Variants in SMIM24 observed in about 807,000 individuals in gnomAD.
The protein encoded by SMIM24 is small integral membrane protein 24, also known as MAP17-related dimer.
SMIM24 carries 6 observed loss-of-function variants against 10.8 expected under a neutral mutation model. The ratio of observed to expected loss-of-function variants is 0.55; its 90% CI spans 0.30 to 1.09. The LOEUF (loss-of-function observed/expected upper bound fraction) is 1.09, where lower values mean the gene tolerates loss of function less well. Ranked by LOEUF, SMIM24 falls within the 50% of genes least tolerant of loss-of-function variation. The probability of loss-of-function intolerance (pLI) is 0.06; values close to 1 mark genes in which losing one functional copy is unlikely to be tolerated. For synonymous variants in SMIM24, 71 were observed against 62.4 expected, an observed-to-expected ratio of 1.14 and a Z score of -0.65; for missense variants, 151 against 153.4, an observed-to-expected ratio of 0.98 and a Z score of 0.08.
chr19:3,480,359 CT>C (rs981717977), intron 1 of SMIM24, 37 bp downstream of exon 1: 2 of 1,457,574 alleles, frequency 1.4e-6, no homozygotes, highest in Non-Finnish European at 1.8e-6. Context: ...ACCAACTCCC[CT>C]ATCCCGCGAC....
Position 3,478,864 on chromosome 19 carries a change from C to T in SMIM24, c.133G>A (p.Val45Ile), listed in dbSNP as rs1214300020. The T allele has an allele frequency of 8.2e-5, 127 of 1,549,846 alleles. 2 individuals carry two copies. In the East Asian group the frequency reaches 2.7e-3, roughly 33 times the overall value. Residue 45 changes from valine (V) to isoleucine (I), a missense_variant, in exon 2 of 4, where the codon GTC becomes ATC. By Grantham distance (29) the Val-to-Ile change is conservative (BLOSUM62 3). Transcript: ENST00000215531. Reference sequence around the variant, plus strand: ...CGGTTGGCCAGCAAGACCAAATAGACGATGAACAGGAAGCCGACTACCGCA... The same window carrying T: ...CGGTTGGCCAGCAAGACCAAATAGATGATGAACAGGAAGCCGACTACCGCA... ...LAAVVGFLFIVYLVLLANRLW... is the reference protein window; with the variant it reads ...LAAVVGFLFIIYLVLLANRLW...
rs1055392 is a variant in SMIM24 at position 3,474,473 on chromosome 19, A to G, written c.*370T>C. 0.13 allele frequency: 27,617 copies of G among 214,254 alleles called. 1,928 individuals are homozygous for G. Among genetic ancestry groups the G allele is most frequent in the South Asian group, 0.16 (1,511 of 9,308 alleles). The allele number at this position is 214,254 out of a possible 1,614,324, so 13.3% of individuals were successfully genotyped here. On this transcript the variant is annotated 3_prime_UTR_variant, in exon 4 of 4. Transcript: ENST00000215531. ...GCAGCTCTCAGCTGGCAGTGGGTGC[A>G]TGGGAGAGGGGAAGTTCTGTTCAGT...
intron 3 of SMIM24, among the ~76,000 whole-genome samples, chr19:3,476,782 A>G (rs1350400443): frequency 6.7e-6 from 1 of 148,802 alleles, no homozygotes; most frequent in Admixed American, 6.7e-5. Flanking sequence ...GGATGGATGG[A>G]TAAATGGGTA....
chr19:3,479,051 A>G lies in SMIM24; in HGVS notation c.68-122T>C, dbSNP rs2082805568. 5.4e-6 allele frequency: 4 copies of G among 741,610 alleles called. No homozygotes were observed. In the Admixed American group the frequency reaches 1.0e-4, roughly 19 times the overall value. 45.9% of individuals were successfully genotyped at this position (741,610 alleles called of 1,614,324 possible). A position where few individuals can be genotyped will look rare whatever the true frequency, so the allele number is the denominator to read the frequency against. On this transcript the variant is annotated intron_variant, in intron 1 of 3. Transcript: ENST00000215531. ...GGTGCTCCGACAGAGGGGGTATTGG[A>G]AAGGGACGGAGCTTCAGAGACCTGG...
At chr19:3,478,978 A>T in intron 1 of SMIM24, 49 bp from the exon 2 acceptor site, 1 of 1,424,876 alleles carries the variant, frequency 7.0e-7, no homozygotes, top group Non-Finnish European at 9.6e-7. Flanking sequence ...AGGTCAGAAG[A>T]CCCCCTTCCC....
chr19:3,478,916 G>C lies in SMIM24; in HGVS notation c.81C>G (p.Arg27=). 6.5e-7 allele frequency: 1 copy of C among 1,549,952 alleles called. No individual in the cohort carries two copies. The highest frequency in any genetic ancestry group is 1.4e-5 in the African/African-American group (1 of 73,122). Reference sequence around the variant, plus strand: ...CCAGGCCCACCAGCCACGGCTTCAGGCGATGCTCCGTGGCTGCAGGAAGTT... The same window carrying C: ...CCAGGCCCACCAGCCACGGCTTCAGCCGATGCTCCGTGGCTGCAGGAAGTT... The part of the protein sequence containing the change: ...PVEAQQATEH[R]LKPWLVGLAA... The change falls in exon 2 of 4, where the codon CGC becomes CGG. Residue 27 remains arginine, a synonymous_variant. Transcript: ENST00000215531.
Position 3,474,956 on chromosome 19 carries a change from C to A in SMIM24, c.280G>T (p.Glu94Ter), listed in dbSNP as rs945140248. 4 of 1,551,584 alleles carry A rather than the reference C, an allele frequency of 2.6e-6. No homozygotes were observed. The African/African-American group carries it at 4.1e-5, about 16-fold the overall frequency. ...REKKEAKEKEEKRKKEKKTAK... is the reference protein window; with the variant it reads ...REKKEAKEKE ...GTCTTTTTCTCCTTCTTCCTCTTCT[C>A]TTCTTTCTCCTTGGCCTCTTTCTTC... Residue 94 changes from glutamate to a stop codon, truncating the protein, a stop_gained, in exon 4 of 4, where the codon GAG becomes TAG. Transcript: ENST00000215531. LOFTEE classifies it low-confidence loss of function (END_TRUNC).
Position 3,474,911 on chromosome 19 carries a change from T to G in SMIM24, c.325A>C (p.Asn109His). The G allele has an allele frequency of 6.4e-7, 1 of 1,551,724 alleles. No homozygotes were observed. Among genetic ancestry groups the G allele is most frequent in the Non-Finnish European group, 8.7e-7 (1 of 1,147,010 alleles). Residue 109 changes from asparagine to histidine, a missense_variant, in exon 4 of 4, where the codon AAC becomes CAC. Asn to His is a moderately conservative substitution (Grantham distance 68). Transcript: ENST00000215531. ...EKKTAKEGES[N>H]LGLDLEEKEP... Reference sequence around the variant, plus strand: ...TTTTCCTCCAGATCCAGTCCCAAGTTGCTCTCTCCTTCCTTTGCTGTCTTT... The same window carrying G: ...TTTTCCTCCAGATCCAGTCCCAAGTGGCTCTCTCCTTCCTTTGCTGTCTTT...
chr19:3,474,876 T>C lies in SMIM24; in HGVS notation c.360A>G (p.Gly120=). Residue 120 remains glycine, a synonymous_variant, in exon 4 of 4, where the codon GGA becomes GGG. Coordinates refer to ENST00000215531, the MANE Select transcript of SMIM24 (RefSeq NM_001136503.2). ...CTGTGCTCTTTGCTCTCTCATGGTCTCCGGGCTCTTTTTCCTCCAGATCCA... is the reference window on the plus strand; with the variant it reads ...CTGTGCTCTTTGCTCTCTCATGGTCCCCGGGCTCTTTTTCCTCCAGATCCA... The part of the protein sequence containing the change: ...LGLDLEEKEP[G]DHERAKSTVM 1 of 1,551,702 alleles carries C rather than the reference T, an allele frequency of 6.4e-7. No homozygotes were observed. Among genetic ancestry groups the C allele is most frequent in the Non-Finnish European group, 8.7e-7 (1 of 1,147,008 alleles).
chr19:3,478,959 A>G, intron 1 of SMIM24, 30 bp from the exon 2 acceptor site: 1 of 1,525,640 alleles, frequency 6.6e-7, no homozygotes, highest in Non-Finnish European at 8.9e-7. Context: ...TTCGACTCAG[A>G]GGAAGAAAAG....
At chr19:3,478,959 A>T (rs1159782999) in intron 1 of SMIM24, 30 bp from the exon 2 acceptor site, 1 of 1,525,640 alleles carries the variant, frequency 6.6e-7, no homozygotes, top group Non-Finnish European at 8.9e-7. Flanking sequence ...TTCGACTCAG[A>T]GGAAGAAAAG....
At chr19:3,475,472 G>C (rs1026734569) in intron 3 of SMIM24, among the ~76,000 whole-genome samples, 6 of 151,424 alleles carry the variant, frequency 4.0e-5, no homozygotes, top group African/African-American at 1.5e-4. Context: ...TGATGGATGG[G>C]GGTATGGATG....
At position 3,475,004 on chromosome 19, in the gene SMIM24, G is replaced by C; in HGVS notation, c.240-8C>G. The C allele has an allele frequency of 1.3e-6, 2 of 1,550,424 alleles. No individual in the cohort carries two copies. The highest frequency in any genetic ancestry group is 1.7e-6 in the Non-Finnish European group (2 of 1,146,698). On this transcript the variant is annotated splice_polypyrimidine_tract_variant and splice_region_variant and intron_variant, in intron 3 of 3. Coordinates refer to ENST00000215531, the MANE Select transcript of SMIM24 (RefSeq NM_001136503.2). ...TTCTCTCTCTTGTCTTCACTGTAGG[G>C]ATACAAAGGCCCCAAACCATAATAA...
rs2082803086 is a variant in SMIM24 at position 3,478,579 on chromosome 19, CCAGCCGGGGCT to C, written c.180-112_180-102del. ...CAGCCTCAGCCTCTGTCCCAACCTC[CCAGCCGGGGCT>C]CATGAACCCCAGGACGCAAGGAAGG... On this transcript the variant is annotated intron_variant, in intron 2 of 3. Transcript: ENST00000215531. 4.3e-5 allele frequency: 50 copies of C among 1,156,552 alleles called. No individual in the cohort carries two copies. The South Asian group carries it at 7.7e-4, about 18-fold the overall frequency. 71.6% of individuals were successfully genotyped at this position (1,156,552 alleles called of 1,614,324 possible).
At chr19:3,480,072 G>A (rs116973923) in intron 1 of SMIM24, among the ~76,000 whole-genome samples, 3,288 of 150,444 alleles carry the variant, frequency 0.022, 50 homozygotes, top group Non-Finnish European at 0.034. Context: ...CAAAAGAGGC[G>A]GGGACTCAGA....
In SMIM24 at chr19:3,474,687, G is replaced by A. The variant is rs2082785517; in HGVS notation, c.*156C>T. 3 of 905,808 alleles carry A rather than the reference G, an allele frequency of 3.3e-6. No homozygotes were observed. Among genetic ancestry groups the A allele is most frequent in the Non-Finnish European group, 4.8e-6 (3 of 627,636 alleles). The allele number at this position is 905,808 out of a possible 1,614,324, so 56.1% of individuals were successfully genotyped here. A position where few individuals can be genotyped will look rare whatever the true frequency, so the allele number is the denominator to read the frequency against. ...TGTTTGCCCAGAGAGCCCCCAATGA[G>A]GGAGGTGGGGTGGGTTCCAAGCCTT... is the stretch of plus-strand genomic sequence containing the variant. On this transcript the variant is annotated 3_prime_UTR_variant, in exon 4 of 4. Coordinates refer to ENST00000215531, the MANE Select transcript of SMIM24 (RefSeq NM_001136503.2).
chr19:3,478,547 G>A (rs903070375), intron 2 of SMIM24, 69 bp from the exon 3 acceptor site: 6 of 1,388,738 alleles, frequency 4.3e-6, no homozygotes, highest in Admixed American at 2.3e-5. Flanking sequence ...GGAAGGAAGC[G>A]GTGTGACAGC....
At chr19:3,478,712 G>A (rs932134681) in intron 2 of SMIM24, 106 bp downstream of exon 2, 31 of 958,662 alleles carry the variant, frequency 3.2e-5, no homozygotes, top group Non-Finnish European at 4.8e-5. Context: ...CAGGGAAATG[G>A]GAGACCTTCG....
At chr19:3,479,556 C>T (rs1358914170) in intron 1 of SMIM24, among the ~76,000 whole-genome samples, 3 of 100,134 alleles carry the variant, frequency 3.0e-5, no homozygotes, top group Admixed American at 1.0e-4. Flanking sequence ...CTTATAAAGG[C>T]GGCAGAGGCT....
Sources: gnomAD v4.1 joint callset for allele counts (sites outside exome capture counted in the v4.1 genomes callset) on GRCh38, gnomAD v4.1.1 for gene constraint, MANE v1.5 for transcripts, NCBI Gene and HGNC (gene_info 2026-07-23, HGNC 2026-07-21) for gene names.